APBB2: variants seen among roughly 807,000 people sequenced by gnomAD.
APBB2 encodes the protein amyloid beta precursor protein binding family B member 2.
A neutral mutation model predicts 82.5 loss-of-function variants in APBB2; 38 were observed. The observed-to-expected ratio is 0.46, with a 90% CI of 0.36 to 0.60. APBB2 has a LOEUF of 0.60. Ranked by LOEUF, APBB2 falls within the 20% of genes least tolerant of loss-of-function variation. The pLI, the probability that APBB2 is intolerant of heterozygous loss-of-function variation, is 0.00. For missense variants in APBB2, 772 were observed against 972.3 expected (o/e 0.79, Z 2.74); for synonymous variants, 341 against 368.2 (o/e 0.93, Z 0.85).
chr4:41,199,185 T>C (rs771520679), intron 1 of APBB2, among the ~76,000 whole-genome samples: 10 of 144,826 alleles, frequency 6.9e-5, no homozygotes, highest in Non-Finnish European at 1.5e-4. Context: ...CCCAAACAGA[T>C]GCCCTCAATA....
At chr4:40,898,670 T>C (rs1009299797) in intron 10 of APBB2, among the ~76,000 whole-genome samples, 8 of 152,086 alleles carry the variant, frequency 5.3e-5, no homozygotes, top group African/African-American at 1.9e-4. Flanking sequence ...AGATGTACTG[T>C]AGACCACGAT....
chr4:40,907,247 GA>G (rs1445505059), intron 10 of APBB2, among the ~76,000 whole-genome samples: 2 of 151,210 alleles, frequency 1.3e-5, no homozygotes, highest in Non-Finnish European at 2.9e-5. Flanking sequence ...TGTATTTGGA[GA>G]AAGGGTCTTT....
At chr4:40,822,333 A>G in intron 16 of APBB2, 1 of 360,560 alleles carries the variant, frequency 2.8e-6, no homozygotes, top group Non-Finnish European at 5.1e-6. Flanking sequence ...CACTGTGGGG[A>G]GGGACAGTGC....
At chr4:41,119,491 T>G (rs1424470793) in intron 2 of APBB2, among the ~76,000 whole-genome samples, 2 of 136,472 alleles carry the variant, frequency 1.5e-5, no homozygotes, top group African/African-American at 2.8e-5. Context: ...ACAAGTAAAG[T>G]AAGTCCCAGA....
chr4:40,882,291 T>C (rs890412641), intron 12 of APBB2, among the ~76,000 whole-genome samples: 2 of 152,090 alleles, frequency 1.3e-5, no homozygotes, highest in African/African-American at 4.8e-5. Context: ...AATTAAAACA[T>C]AGAAGCTTCA....
At chr4:40,986,534 G>A (rs964179090) in intron 6 of APBB2, among the ~76,000 whole-genome samples, 4 of 152,194 alleles carry the variant, frequency 2.6e-5, no homozygotes, top group Admixed American at 2.6e-4. Flanking sequence ...GAAGTTCCAC[G>A]TGCAAATGGT....
At chr4:40,949,901 C>G (rs371000268) in intron 6 of APBB2, among the ~76,000 whole-genome samples, 1 of 152,134 alleles carries the variant, frequency 6.6e-6, no homozygotes, top group Non-Finnish European at 1.5e-5. Context: ...AACCTCCGCC[C>G]TGGAGAATGT....
intron 7 of APBB2, among the ~76,000 whole-genome samples, chr4:40,937,650 G>A (rs1365599102): frequency 2.6e-5 from 4 of 152,204 alleles, no homozygotes; most frequent in Admixed American, 6.5e-5. Flanking sequence ...TATGTGTTAT[G>A]ACTGGGCCAA....
chr4:40,992,165 CT>C (rs1048924141), intron 6 of APBB2, among the ~76,000 whole-genome samples: 9 of 122,762 alleles, frequency 7.3e-5, no homozygotes, highest in South Asian at 3.0e-4. Context: ...ATGCAGCTGC[CT>C]TTTTTGTTTG....
chr4:40,928,814 G>A (rs1164130305), intron 10 of APBB2, among the ~76,000 whole-genome samples: 7 of 151,240 alleles, frequency 4.6e-5, no homozygotes, highest in Non-Finnish European at 1.0e-4. Flanking sequence ...GAACCCAGAA[G>A]GCGGCGGTTG....
At chr4:41,135,495 T>C (rs897098225) in intron 2 of APBB2, among the ~76,000 whole-genome samples, 4 of 152,218 alleles carry the variant, frequency 2.6e-5, no homozygotes, top group Non-Finnish European at 4.4e-5. Flanking sequence ...ATTTGGAAAT[T>C]TCAGAAACTT....
intron 12 of APBB2, among the ~76,000 whole-genome samples, chr4:40,862,265 A>G (rs1047040176): frequency 6.6e-6 from 1 of 152,244 alleles, no homozygotes; most frequent in African/African-American, 2.4e-5. Flanking sequence ...ACAAAGCATT[A>G]TAATTTGCTC....
intron 12 of APBB2, among the ~76,000 whole-genome samples, chr4:40,885,538 A>T (rs1268123197): frequency 6.6e-6 from 1 of 152,122 alleles, no homozygotes; most frequent in Non-Finnish European, 1.5e-5. Flanking sequence ...AAAAAGTCTC[A>T]CTTTCACTGT....
intron 10 of APBB2, among the ~76,000 whole-genome samples, chr4:40,900,935 C>T (rs1308954779): frequency 6.6e-6 from 1 of 152,154 alleles, no homozygotes. Context: ...ACACTCTGCC[C>T]TAGGTAGTAT....
chr4:41,184,408 G>A (rs1300518594), intron 1 of APBB2, among the ~76,000 whole-genome samples: 1 of 152,098 alleles, frequency 6.6e-6, no homozygotes, highest in Non-Finnish European at 1.5e-5. Flanking sequence ...TCATACCCTA[G>A]CTCACACACT....
At chr4:41,176,498 C>A (rs1246700988) in intron 1 of APBB2, among the ~76,000 whole-genome samples, 1 of 151,908 alleles carries the variant, frequency 6.6e-6, no homozygotes, top group Non-Finnish European at 1.5e-5. Flanking sequence ...CACCTACCAG[C>A]CCAAAGGTCA....
intron 12 of APBB2, among the ~76,000 whole-genome samples, chr4:40,870,241 C>T (rs531406040): frequency 1.2e-4 from 18 of 152,332 alleles, no homozygotes; most frequent in Admixed American, 1.1e-3. Flanking sequence ...GCCTCCAGCC[C>T]ACTGTGCCCA....
At chr4:41,146,871 C>T (rs1460481841) in intron 1 of APBB2, among the ~76,000 whole-genome samples, 1 of 152,192 alleles carries the variant, frequency 6.6e-6, no homozygotes, top group Non-Finnish European at 1.5e-5. Flanking sequence ...CGCATAAAGC[C>T]GCGGCCCGGG....
intron 12 of APBB2, among the ~76,000 whole-genome samples, chr4:40,852,439 A>C (rs145915359): frequency 6.6e-6 from 1 of 152,250 alleles, no homozygotes; most frequent in East Asian, 1.9e-4. Context: ...TTAAGGCTTA[A>C]ACCCATCTTC....
Sources: allele counts gnomAD v4.1 joint callset (sites outside exome capture counted in the v4.1 genomes callset), GRCh38; gene constraint gnomAD v4.1.1; transcripts MANE v1.5; gene names NCBI Gene and HGNC (gene_info 2026-07-23, HGNC 2026-07-21).